Variants in EDNRA observed in about 807,000 individuals in gnomAD.
EDNRA encodes the protein endothelin-1 receptor.
In EDNRA, 11 loss-of-function variants were observed where a neutral mutation model predicts 41.4. The ratio of observed to expected loss-of-function variants is 0.27; its 90% CI spans 0.17 to 0.44. The LOEUF (loss-of-function observed/expected upper bound fraction) is 0.44. Ranked by LOEUF, EDNRA falls within the 20% of genes least tolerant of loss-of-function variation. EDNRA has a pLI of 1.00. For synonymous variants in EDNRA, 172 were observed against 183.0 expected, an observed-to-expected ratio of 0.94 and a Z score of 0.49; for missense variants, 294 against 531.0, an observed-to-expected ratio of 0.55 and a Z score of 4.39.
chr4:147,494,359 G>A (rs1458220069), intron 2 of EDNRA: 1 of 152,214 alleles, frequency 6.6e-6, no homozygotes, highest in East Asian at 1.9e-4. Context: ...TGGGAAAAGA[G>A]AGTGGAAAGA....
At chr4:147,520,790 G>C (rs1730297840) in intron 3 of EDNRA, among the ~76,000 whole-genome samples, 1 of 152,166 alleles carries the variant, frequency 6.6e-6, no homozygotes, top group African/African-American at 2.4e-5. Context: ...CAGGGAACCT[G>C]AGTCTCATCA....
intron 5 of EDNRA, 50 bp from the exon 6 acceptor site, chr4:147,539,766 AG>A: frequency 6.3e-7 from 1 of 1,579,830 alleles, no homozygotes; most frequent in Non-Finnish European, 8.6e-7. Flanking sequence ...TCTTGCATCT[AG>A]TATAAAAACA....
At chr4:147,502,546 A>C (rs1729551393) in intron 2 of EDNRA, among the ~76,000 whole-genome samples, 1 of 152,208 alleles carries the variant, frequency 6.6e-6, no homozygotes, top group African/African-American at 2.4e-5. Context: ...ATTGAGTCTG[A>C]AGAATTGTAC....
rs1191433682 is a variant in EDNRA at position 147,542,701 on chromosome 4, T to A, written c.*83T>A. 6 of 1,522,580 alleles carry A rather than the reference T, an allele frequency of 3.9e-6. No individual in the cohort carries two copies. The highest frequency in any genetic ancestry group is 5.3e-6 in the Non-Finnish European group (6 of 1,126,112). 94.3% of individuals were successfully genotyped at this position (1,522,580 alleles called of 1,614,324 possible). On this transcript the variant is annotated 3_prime_UTR_variant, in exon 8 of 8. Transcript: ENST00000651419. The stretch of plus-strand genomic sequence containing the variant: ...AGGCAACTGTGAGTCCGGGAATCTC[T>A]TCTCTGATCCTTCTTCCTTAATTCA...
rs1188302838 is a variant in EDNRA at position 147,532,567 on chromosome 4, A to G, written c.610A>G (p.Ile204Val). The part of the protein sequence containing the change: ...QGIGIPLVTA[I>V]EIVSIWILSF... Reference sequence around the variant, plus strand: ...AATTGGGATTCCTTTGGTAACTGCCATTGAAATTGTCTCCATCTGGATCCT... The same window carrying G: ...AATTGGGATTCCTTTGGTAACTGCCGTTGAAATTGTCTCCATCTGGATCCT... Residue 204 changes from isoleucine (I) to valine (V), a missense_variant, in exon 4 of 8, where the codon ATT (isoleucine) becomes GTT (valine). Transcript: ENST00000651419. 1.2e-6 allele frequency: 2 copies of G among 1,613,956 alleles called. No homozygotes were observed. The highest frequency in any genetic ancestry group is 1.7e-5 in the Admixed American group (1 of 59,994).
intron 2 of EDNRA, among the ~76,000 whole-genome samples, chr4:147,514,204 A>T (rs9993718): frequency 2.4e-4 from 36 of 152,282 alleles, no homozygotes; most frequent in African/African-American, 7.7e-4. Context: ...ACACAGACTT[A>T]CAACGGGGAA....
At chr4:147,489,704 C>T (rs1729069465) in intron 2 of EDNRA, 1 of 152,054 alleles carries the variant, frequency 6.6e-6, no homozygotes, top group Admixed American at 6.6e-5. Context: ...CATTCCACCC[C>T]TAAATTTTCA....
At chr4:147,504,677 G>C (rs1037373638) in intron 2 of EDNRA, among the ~76,000 whole-genome samples, 2 of 152,026 alleles carry the variant, frequency 1.3e-5, no homozygotes, top group Admixed American at 6.6e-5. Context: ...ACAACAGCCG[G>C]GTGCGGTGGT....
chr4:147,500,548 T>G (rs1293955815), intron 2 of EDNRA, among the ~76,000 whole-genome samples: 2 of 152,074 alleles, frequency 1.3e-5, no homozygotes, highest in African/African-American at 4.8e-5. Flanking sequence ...TGAAACCCCA[T>G]TGCTACAAAA....
intron 3 of EDNRA, among the ~76,000 whole-genome samples, chr4:147,523,493 T>TG (rs1266095090): frequency 1.4e-5 from 2 of 139,302 alleles, no homozygotes; most frequent in Non-Finnish European, 3.0e-5. Context: ...TTTTTGTTTT[T>TG]TTTGTTTTTT....
intron 3 of EDNRA, among the ~76,000 whole-genome samples, chr4:147,526,265 A>C (rs1254781806): frequency 6.6e-6 from 1 of 152,212 alleles, no homozygotes; most frequent in Non-Finnish European, 1.5e-5. Flanking sequence ...AGCAATTCAG[A>C]ACAACAACCG....
chr4:147,503,972 A>G (rs1729601926), intron 2 of EDNRA, among the ~76,000 whole-genome samples: 1 of 152,172 alleles, frequency 6.6e-6, no homozygotes, highest in Non-Finnish European at 1.5e-5. Context: ...CAAAACAAAA[A>G]AATTATTTAG....
At chr4:147,522,397 G>T (rs1392839099) in intron 3 of EDNRA, among the ~76,000 whole-genome samples, 1 of 152,024 alleles carries the variant, frequency 6.6e-6, no homozygotes, top group African/African-American at 2.4e-5. Flanking sequence ...AATTAGCCAG[G>T]CATGCTGGTA....
intron 1 of EDNRA, among the ~76,000 whole-genome samples, chr4:147,483,677 C>T (rs1728847665): frequency 6.6e-6 from 1 of 151,738 alleles, no homozygotes. Flanking sequence ...ACCTTGAATA[C>T]ACTCAGAAAA....
intron 3 of EDNRA, among the ~76,000 whole-genome samples, chr4:147,524,158 T>TA (rs142376177): frequency 0.021 from 3,049 of 143,736 alleles, 42 homozygotes; most frequent in East Asian, 0.042. Context: ...TCATAAAACT[T>TA]AAAAAAAAAA....
At chr4:147,502,450 A>C (rs1729548446) in intron 2 of EDNRA, among the ~76,000 whole-genome samples, 1 of 152,236 alleles carries the variant, frequency 6.6e-6, no homozygotes, top group Admixed American at 6.5e-5. Flanking sequence ...ATATCAAAAA[A>C]GTACTCATAA....
intron 2 of EDNRA, chr4:147,493,148 A>G (rs550361644): frequency 7.9e-5 from 12 of 152,198 alleles, no homozygotes; most frequent in Non-Finnish European, 1.8e-4. Flanking sequence ...CCCCCATCAA[A>G]GAGTTCATTT....
chr4:147,501,485 C>G (rs1488352570), intron 2 of EDNRA, among the ~76,000 whole-genome samples: 1 of 152,206 alleles, frequency 6.6e-6, no homozygotes, highest in Non-Finnish European at 1.5e-5. Flanking sequence ...AAGTCTTCCT[C>G]TTAGACCAGT....
chr4:147,486,197 T>A lies in EDNRA; in HGVS notation c.420+96T>A. Reference sequence around the variant, plus strand: ...GACTTTTCTGACCTTTGGAATTTTATCTGTGTTTTTACTGAGAGCTATTTC... The same window carrying A: ...GACTTTTCTGACCTTTGGAATTTTAACTGTGTTTTTACTGAGAGCTATTTC... On this transcript the variant is annotated intron_variant, in intron 2 of 7. Transcript: ENST00000651419. The surrounding 1 kb of genome is among the most constrained non-coding windows in gnomAD (Gnocchi z 4.3). 1 of 1,378,818 alleles carries A rather than the reference T, an allele frequency of 7.3e-7. No homozygotes were observed. The highest frequency in any genetic ancestry group is 9.7e-7 in the Non-Finnish European group (1 of 1,026,946). 85.4% of individuals were successfully genotyped at this position (1,378,818 alleles called of 1,614,324 possible).
Sources: gnomAD v4.1 joint callset for allele counts (sites outside exome capture counted in the v4.1 genomes callset) on GRCh38, gnomAD v4.1.1 for gene constraint, Gnocchi (gnomAD v3.1) non-coding constraint, MANE v1.5 for transcripts, NCBI Gene and HGNC (gene_info 2026-07-23, HGNC 2026-07-21) for gene names.